Variants in ADAMTS16 observed in about 807,000 individuals in gnomAD.
ADAMTS16 encodes ADAM metallopeptidase with thrombospondin type 1 motif 16, also known as A disintegrin and metalloproteinase with thrombospondin motifs 16.
A neutral mutation model predicts 145.8 loss-of-function variants in ADAMTS16; 94 were observed. The ratio of observed to expected loss-of-function variants is 0.64; its 90% CI spans 0.55 to 0.77. The LOEUF (loss-of-function observed/expected upper bound fraction) is 0.77, where lower values mean the gene tolerates loss of function less well. ADAMTS16 is among the 30% of genes least tolerant of loss of function. ADAMTS16 has a pLI of 0.00. For missense variants in ADAMTS16, 1,585 were observed against 1,591.5 expected (o/e 1.00, Z 0.07); for synonymous variants, 659 against 604.3 (o/e 1.09, Z -1.33).
chr5:5,225,424 GAAACCCT>G (rs1360655929), intron 11 of ADAMTS16, among the ~76,000 whole-genome samples: 1 of 152,148 alleles, frequency 6.6e-6, no homozygotes, highest in Non-Finnish European at 1.5e-5. Context: ...CCAACACGGT[GAAACCCT>G]GTCTCTACTA....
chr5:5,265,255 C>T (rs1418622642), intron 18 of ADAMTS16, among the ~76,000 whole-genome samples: 1 of 152,150 alleles, frequency 6.6e-6, no homozygotes, highest in African/African-American at 2.4e-5. Flanking sequence ...GTCAGTGATC[C>T]CTGCTGCAAT....
intron 18 of ADAMTS16, among the ~76,000 whole-genome samples, chr5:5,283,725 C>T (rs1224117921): frequency 6.6e-6 from 1 of 152,190 alleles, no homozygotes; most frequent in East Asian, 1.9e-4. Flanking sequence ...CACTTGAACC[C>T]ATGCACATTT....
Position 5,319,043 on chromosome 5 carries a change from T to C in ADAMTS16, c.3580T>C (p.Phe1194Leu). ...EKKDAFCKDY[F>L]HWCYLVPQHG... ...TTCAGATGCCTTCTGCAAAGACTAC[T>C]TCCACTGGTGCTACCTGGTACCCCA... Residue 1194 changes from phenylalanine to leucine, a missense_variant, in exon 23 of 23, where the codon TTC becomes CTC. This residue lies in a region of ADAMTS16 where 834 missense variants were observed against 811.7 expected (regional missense o/e 1.03). Coordinates refer to ENST00000274181, the MANE Select transcript of ADAMTS16 (RefSeq NM_139056.4). The C allele has an allele frequency of 6.2e-7, 1 of 1,613,028 alleles. No homozygotes were observed. Among genetic ancestry groups the C allele is most frequent in the Non-Finnish European group, 8.5e-7 (1 of 1,179,638 alleles).
chr5:5,303,831 C>A, intron 20 of ADAMTS16, 65 bp downstream of exon 20: 1 of 1,543,068 alleles, frequency 6.5e-7, no homozygotes, highest in South Asian at 1.2e-5. Context: ...CCTCTTCTCT[C>A]CTGGTTTTTC....
Position 5,204,450 on chromosome 5 carries a change from T to C in ADAMTS16, c.1451+4181T>C, listed in dbSNP as rs1317515057. Among the ~76,000 whole-genome samples the C allele has an allele frequency of 3.9e-5, 6 of 152,098 alleles. No homozygotes were observed. In the South Asian group the frequency reaches 8.3e-4, roughly 21 times the overall value. On this transcript the variant is annotated intron_variant, in intron 9 of 22. Transcript: ENST00000274181. ...ATGCAGATCAAGATACAGAGTGTGGTAGGGACTTTAGAAGCTGCTTCTCCC... is the reference window on the plus strand; with the variant it reads ...ATGCAGATCAAGATACAGAGTGTGGCAGGGACTTTAGAAGCTGCTTCTCCC...
At chr5:5,173,709 A>G (rs187255369) in intron 3 of ADAMTS16, among the ~76,000 whole-genome samples, 1 of 152,162 alleles carries the variant, frequency 6.6e-6, no homozygotes, top group East Asian at 1.9e-4. Context: ...TCCTGACCTC[A>G]TGATCTGCCT....
At chr5:5,155,643 A>G (rs1014707468) in intron 3 of ADAMTS16, among the ~76,000 whole-genome samples, 5 of 152,174 alleles carry the variant, frequency 3.3e-5, no homozygotes, top group Admixed American at 2.6e-4. Context: ...GAGGGAGAAC[A>G]GTGTAGCTGG....
chr5:5,217,246 C>A (rs1736463492), intron 10 of ADAMTS16, among the ~76,000 whole-genome samples: 1 of 151,718 alleles, frequency 6.6e-6, no homozygotes, highest in Non-Finnish European at 1.5e-5. Flanking sequence ...ACCATAAAAA[C>A]CCTAGAAGAA....
chr5:5,179,100 A>G (rs1162625735), intron 3 of ADAMTS16, among the ~76,000 whole-genome samples: 1 of 150,814 alleles, frequency 6.6e-6, no homozygotes, highest in Non-Finnish European at 1.5e-5. Context: ...CTTTAAGTAT[A>G]TTAAGTCTTA....
At chr5:5,314,445 G>T in intron 21 of ADAMTS16, among the ~76,000 whole-genome samples, 1 of 152,224 alleles carries the variant, frequency 6.6e-6, no homozygotes, top group East Asian at 1.9e-4. Flanking sequence ...TGCCTGGAAG[G>T]TGAATTCTAA....
chr5:5,162,622 A>G lies in ADAMTS16; in HGVS notation c.501+16167A>G, dbSNP rs75025444. On this transcript the variant is annotated intron_variant, in intron 3 of 22. Coordinates refer to ENST00000274181, the MANE Select transcript of ADAMTS16 (RefSeq NM_139056.4). ...TCTGTATGACCTTGCTGAGAAAGCCAGGATTCCTACAGAGAATTCTGGAGG... is the reference window on the plus strand; with the variant it reads ...TCTGTATGACCTTGCTGAGAAAGCCGGGATTCCTACAGAGAATTCTGGAGG... 4.4e-3 allele frequency among the ~76,000 whole-genome samples: 663 copies of G among 152,322 alleles called. 8 individuals carry two copies. Among genetic ancestry groups the G allele is most frequent in the African/African-American group, 0.015 (638 of 41,568 alleles).
chr5:5,306,540 T>C lies in ADAMTS16; in HGVS notation c.3223T>C (p.Phe1075Leu), dbSNP rs1299607685. Residue 1075 changes from phenylalanine to leucine, a missense_variant, in exon 21 of 23, where the codon TTC becomes CTC. Coordinates refer to ENST00000274181, the MANE Select transcript of ADAMTS16 (RefSeq NM_139056.4). ...VTCERGTQKRFLKCAEKYVSG... is the reference protein window; with the variant it reads ...VTCERGTQKRLLKCAEKYVSG... ...ATGTGAAAGAGGAACACAGAAAAGATTCTTAAAATGTGCTGAAAAGTATGT... is the reference window on the plus strand; with the variant it reads ...ATGTGAAAGAGGAACACAGAAAAGACTCTTAAAATGTGCTGAAAAGTATGT... 3.1e-6 allele frequency: 5 copies of C among 1,613,976 alleles called. No homozygotes were observed. The highest frequency in any genetic ancestry group is 4.2e-6 in the Non-Finnish European group (5 of 1,179,948).
chr5:5,201,701 C>G (rs944012892), intron 9 of ADAMTS16, among the ~76,000 whole-genome samples: 1 of 151,626 alleles, frequency 6.6e-6, no homozygotes, highest in Non-Finnish European at 1.5e-5. Flanking sequence ...AGCTTAGCAG[C>G]ACCCAAGAAG....
rs774536262 is a variant in ADAMTS16 at position 5,303,364 on chromosome 5, G to T, written c.2886G>T (p.Ser962=). 10 of 1,602,082 alleles carry T rather than the reference G, an allele frequency of 6.2e-6. No individual in the cohort carries two copies. In the South Asian group the frequency reaches 1.1e-4, roughly 18 times the overall value. Residue 962 remains serine, a synonymous_variant, in exon 19 of 23, where the codon TCG becomes TCT. Transcript: ENST00000274181. ...VQCTRRVHYD[S]EPVPASLCPQ... is the part of the protein sequence containing the mutation. The stretch of plus-strand genomic sequence containing the variant: ...GCACACGGCGGGTGCACTATGACTC[G>T]GAGCCAGTCCCGGCCAGCCTGTGCC...
rs1284636098 is a variant in ADAMTS16 at position 5,310,576 on chromosome 5, G to A, written c.3411+3848G>A. Among the ~76,000 whole-genome samples the A allele has an allele frequency of 6.6e-6, 1 of 152,184 alleles. No homozygotes were observed. Among genetic ancestry groups the A allele is most frequent in the Non-Finnish European group, 1.5e-5 (1 of 68,038 alleles). Reference sequence around the variant, plus strand: ...CAGAGACTCCTCACATGGGGAGCAAGTGGTGGGTGGCACTGGCTGTGTGAT... The same window carrying A: ...CAGAGACTCCTCACATGGGGAGCAAATGGTGGGTGGCACTGGCTGTGTGAT... On this transcript the variant is annotated intron_variant, in intron 21 of 22. Transcript: ENST00000274181. The surrounding 1 kb of genome is among the most constrained non-coding windows in gnomAD (Gnocchi z 4.3).
rs368154464 is a variant in ADAMTS16, at chr5:5,243,100, A to G, written c.2662+909A>G. Among the ~76,000 whole-genome samples, 11 of 152,386 alleles carry G rather than the reference A, an allele frequency of 7.2e-5. No homozygotes were observed. In the South Asian group the frequency reaches 1.7e-3, roughly 23 times the overall value. The stretch of plus-strand genomic sequence containing the variant: ...ATAAAAATAAATTTACATGTTCTCA[A>G]TAGTTGCTCTAAATAAATAAGGTGA... On this transcript the variant is annotated intron_variant, in intron 17 of 22. Transcript: ENST00000274181.
chr5:5,140,460 G>C lies in ADAMTS16; in HGVS notation c.-8G>C, dbSNP rs780785466. 25 of 1,505,218 alleles carry C rather than the reference G, an allele frequency of 1.7e-5. No homozygotes were observed. In the African/African-American group the frequency reaches 2.2e-4, roughly 13 times the overall value. 93.2% of individuals were successfully genotyped at this position (1,505,218 alleles called of 1,614,324 possible). Reference sequence around the variant, plus strand: ...CCGGTGGCCCCTAGCCCCTCGGAGCGCTCCTGGATGAAGCCCCGCGCGCGC... The same window carrying C: ...CCGGTGGCCCCTAGCCCCTCGGAGCCCTCCTGGATGAAGCCCCGCGCGCGC... On this transcript the variant is annotated 5_prime_UTR_variant, in exon 1 of 23. Coordinates refer to ENST00000274181, the MANE Select transcript of ADAMTS16 (RefSeq NM_139056.4).
intron 8 of ADAMTS16, among the ~76,000 whole-genome samples, chr5:5,197,876 G>C (rs1450990160): frequency 1.3e-5 from 2 of 152,060 alleles, no homozygotes; most frequent in Non-Finnish European, 2.9e-5. Flanking sequence ...GAATCACCTG[G>C]GGATGTGTTC....
chr5:5,267,288 T>G (rs946036799), intron 18 of ADAMTS16, among the ~76,000 whole-genome samples: 1 of 152,232 alleles, frequency 6.6e-6, no homozygotes, highest in Non-Finnish European at 1.5e-5. Flanking sequence ...CAGCTTGTGT[T>G]AATCAGCTCA....
Sources: allele counts gnomAD v4.1 joint callset (sites outside exome capture counted in the v4.1 genomes callset), GRCh38; gene constraint gnomAD v4.1.1; regional missense constraint gnomAD v4.1.1; non-coding constraint Gnocchi (gnomAD v3.1); transcripts MANE v1.5; gene names NCBI Gene and HGNC (gene_info 2026-07-23, HGNC 2026-07-21).